The following DNAI2 variants were observed in gnomAD, a reference collection of about 807,000 sequenced individuals.
The protein encoded by DNAI2 is dynein, axonemal, intermediate polypeptide 2.
Under a neutral mutation model 74.7 loss-of-function variants are expected in DNAI2, and 63 were observed. The ratio of observed to expected loss-of-function variants is 0.84; its 90% CI spans 0.69 to 1.04. DNAI2 has a LOEUF of 1.04. Among genes scored for constraint, DNAI2 ranks in the 50% least tolerant of loss-of-function variants. DNAI2 has a pLI of 0.00. For missense variants in DNAI2, 688 were observed against 803.2 expected, an observed-to-expected ratio of 0.86 and a Z score of 1.73; for synonymous variants, 289 against 314.9, an observed-to-expected ratio of 0.92 and a Z score of 0.87.
At chr17:74,312,318 G>A in intron 12 of DNAI2, 88 bp downstream of exon 12, 1 of 1,072,628 alleles carries the variant, frequency 9.3e-7, no homozygotes, top group Non-Finnish European at 1.4e-6. Context: ...GACTTCCTGG[G>A]TGACCTTGAG....
intron 3 of DNAI2, among the ~76,000 whole-genome samples, chr17:74,285,690 T>C (rs576567291): frequency 6.6e-6 from 1 of 152,164 alleles, no homozygotes; most frequent in Admixed American, 6.5e-5. Flanking sequence ...TTGCAGTCCA[T>C]TGGAGGTCAA....
intron 6 of DNAI2, among the ~76,000 whole-genome samples, chr17:74,292,672 T>A (rs1327755240): frequency 3.3e-5 from 5 of 152,050 alleles, no homozygotes; most frequent in African/African-American, 4.8e-5. Flanking sequence ...CTGCCTTGGC[T>A]GGCCTCCCAA....
At chr17:74,306,837 C>G (rs1157077243) in intron 9 of DNAI2, among the ~76,000 whole-genome samples, 1 of 152,222 alleles carries the variant, frequency 6.6e-6, no homozygotes, top group Non-Finnish European at 1.5e-5. Flanking sequence ...AGGCTGGTCT[C>G]AAACTCCTGA....
In DNAI2 at chr17:74,274,286, GCCGCGACC is replaced by G. The variant is rs2050932551; in HGVS notation, c.-70_-63del. On this transcript the variant is annotated 5_prime_UTR_variant, in exon 1 of 14. Coordinates refer to ENST00000311014, the MANE Select transcript of DNAI2 (RefSeq NM_023036.6). The stretch of plus-strand genomic sequence containing the variant: ...ACGCCGCCGTTTGAGGAGCACCGGA[GCCGCGACC>G]GTGGATTGAACGCTTCCCCAGAGAC... 1 of 83,004 alleles carries G rather than the reference GCCGCGACC, an allele frequency of 1.2e-5. No homozygotes were observed. The highest frequency in any genetic ancestry group is 1.9e-4 in the Admixed American group (1 of 5,384). 5.1% of individuals were successfully genotyped at this position (83,004 alleles called of 1,614,324 possible). A position where few individuals can be genotyped will look rare whatever the true frequency, so the allele number is the denominator to read the frequency against.
chr17:74,286,159 G>A (rs1314376638), intron 3 of DNAI2, among the ~76,000 whole-genome samples: 1 of 151,406 alleles, frequency 6.6e-6, no homozygotes, highest in East Asian at 2.0e-4. Context: ...AGCCAGGTGT[G>A]GTGGCACATG....
At chr17:74,309,550 G>A (rs748484158) in intron 10 of DNAI2, 162 bp downstream of exon 10, 4 of 945,764 alleles carry the variant, frequency 4.2e-6, no homozygotes, top group Non-Finnish European at 5.0e-6. Flanking sequence ...GATTGCTTTT[G>A]AGCGTGTGCT....
chr17:74,300,000 G>A lies in DNAI2; in HGVS notation c.864+143G>A, dbSNP rs556286696. The A allele has an allele frequency of 8.5e-6, 11 of 1,297,912 alleles. No individual in the cohort carries two copies. In the African/African-American group the frequency reaches 1.2e-4, roughly 14 times the overall value. The allele number at this position is 1,297,912 out of a possible 1,614,324, so 80.4% of individuals were successfully genotyped here. On this transcript the variant is annotated intron_variant, in intron 7 of 13. Transcript: ENST00000311014. ...TTTCACTCTTGTTGCCCAGGCTGGAGTGCAATGGCACGATCTTGGTTCACT... is the reference window on the plus strand; with the variant it reads ...TTTCACTCTTGTTGCCCAGGCTGGAATGCAATGGCACGATCTTGGTTCACT...
intron 4 of DNAI2, among the ~76,000 whole-genome samples, chr17:74,288,454 T>A (rs1217313511): frequency 6.6e-6 from 1 of 152,218 alleles, no homozygotes; most frequent in Non-Finnish European, 1.5e-5. Context: ...TGCATATGTG[T>A]ATGTGTGTAT....
intron 4 of DNAI2, 64 bp from the exon 5 acceptor site, chr17:74,289,530 A>T (rs1355377306): frequency 6.3e-7 from 1 of 1,585,652 alleles, no homozygotes; most frequent in Non-Finnish European, 8.5e-7. Context: ...CAAAAAAAAA[A>T]AAAAGGGGGA....
chr17:74,301,063 C>A lies in DNAI2; in HGVS notation c.882C>A (p.Ile294=). 4 of 1,614,024 alleles carry A rather than the reference C, an allele frequency of 2.5e-6. No individual in the cohort carries two copies. Among genetic ancestry groups the A allele is most frequent in the South Asian group, 2.2e-5 (2 of 91,074 alleles). The stretch of plus-strand genomic sequence containing the variant: ...CCCACCAGGTCATGTGGTGGGACAT[C>A]CGAAAGATGAGCGAGCCCACTGAAG... ...STDGQVMWWD[I]RKMSEPTEVV... The change falls in exon 8 of 14, where the codon ATC becomes ATA. Residue 294 remains isoleucine, a synonymous_variant. Transcript: ENST00000311014.
rs1157997421 is a variant in DNAI2, at chr17:74,283,732, C to T, written c.184-1308C>T. Reference sequence around the variant, plus strand: ...CAGCCTGGGCAACATGGCGAAACACCGTCTCTACAGAAGAAAAACAAAAAC... The same window carrying T: ...CAGCCTGGGCAACATGGCGAAACACTGTCTCTACAGAAGAAAAACAAAAAC... On this transcript the variant is annotated intron_variant, in intron 2 of 13. Coordinates refer to ENST00000311014, the MANE Select transcript of DNAI2 (RefSeq NM_023036.6). Among the ~76,000 whole-genome samples, 4 of 152,132 alleles carry T rather than the reference C, an allele frequency of 2.6e-5. No homozygotes were observed. In the East Asian group the frequency reaches 5.8e-4, roughly 22 times the overall value.
chr17:74,287,832 G>A (rs2051841405), intron 4 of DNAI2, among the ~76,000 whole-genome samples: 2 of 152,282 alleles, frequency 1.3e-5, no homozygotes, highest in South Asian at 4.1e-4. Flanking sequence ...GCACATGCCT[G>A]TAATCCCAGC....
At chr17:74,291,832 A>G (rs9901263) in intron 6 of DNAI2, among the ~76,000 whole-genome samples, 146,056 of 151,964 alleles carry the variant, frequency 0.96, 70,474 homozygotes, top group East Asian at 1. Context: ...GTTGGGAAGT[A>G]TTCCCTTCTG....
In DNAI2 at chr17:74,299,870, C is replaced by G; in HGVS notation, c.864+13C>G. 6.2e-7 allele frequency: 1 copy of G among 1,613,374 alleles called. No individual in the cohort carries two copies. Among genetic ancestry groups the G allele is most frequent in the South Asian group, 1.1e-5 (1 of 91,066 alleles). On this transcript the variant is annotated intron_variant, in intron 7 of 13. Transcript: ENST00000311014. The stretch of plus-strand genomic sequence containing the variant: ...CACGGATGGGCAGGTACCCACCAGC[C>G]AGACACTGGAGAGAGGAGGGAAGGG...
chr17:74,290,950 G>T, intron 5 of DNAI2, 70 bp from the exon 6 acceptor site: 1 of 1,358,208 alleles, frequency 7.4e-7, no homozygotes, highest in South Asian at 1.2e-5. Flanking sequence ...ACCCGCAGAA[G>T]GGGTGAAACT....
rs373253119 is a variant in DNAI2, at chr17:74,301,029, G to A, written c.865-17G>A. 87 of 1,613,420 alleles carry A rather than the reference G, an allele frequency of 5.4e-5. No individual in the cohort carries two copies. The Middle Eastern group carries it at 8.3e-4, about 15-fold the overall frequency. ...TACAGGGCCTCGAAGTCTCACTGTC[G>A]CCCCTCCTCCCACCAGGTCATGTGG... On this transcript the variant is annotated splice_polypyrimidine_tract_variant and intron_variant, in intron 7 of 13. Transcript: ENST00000311014.
intron 8 of DNAI2, among the ~76,000 whole-genome samples, chr17:74,302,558 A>G (rs748060837): frequency 4.6e-5 from 7 of 151,678 alleles, no homozygotes; most frequent in Non-Finnish European, 1.0e-4. Context: ...CAAGAGCGAA[A>G]CTCCATCTCA....
intron 8 of DNAI2, among the ~76,000 whole-genome samples, chr17:74,302,090 G>A (rs1323403060): frequency 1.8e-5 from 2 of 110,486 alleles, no homozygotes; most frequent in South Asian, 3.1e-4. Flanking sequence ...AAGGAAGGAA[G>A]GAAGGAAGGA....
intron 6 of DNAI2, 126 bp from the exon 7 acceptor site, chr17:74,299,592 C>A: frequency 7.9e-7 from 1 of 1,263,734 alleles, no homozygotes. Flanking sequence ...TTGAACCAAG[C>A]CCTGATTCTA....
Sources: gnomAD v4.1 joint callset for allele counts (sites outside exome capture counted in the v4.1 genomes callset) on GRCh38, gnomAD v4.1.1 for gene constraint, MANE v1.5 for transcripts, NCBI Gene and HGNC (gene_info 2026-07-23, HGNC 2026-07-21) for gene names.